Variants in RAB30 observed in about 807,000 individuals in gnomAD.
The protein encoded by RAB30 is RAB30, member RAS oncogene family.
In RAB30, 9 loss-of-function variants were observed where a neutral mutation model predicts 25.1. The ratio of observed to expected loss-of-function variants is 0.36; its 90% CI spans 0.22 to 0.63. The LOEUF (loss-of-function observed/expected upper bound fraction) is 0.63. Among genes scored for constraint, RAB30 ranks in the 20% least tolerant of loss-of-function variants. The probability of loss-of-function intolerance (pLI) is 0.69; values close to 1 mark genes in which losing one functional copy is unlikely to be tolerated. For missense variants in RAB30, 140 were observed against 243.5 expected (o/e 0.58, Z 2.83); for synonymous variants, 77 against 86.4 (o/e 0.89, Z 0.60).
At chr11:83,004,888 TC>T (rs1421412257) in intron 1 of RAB30, among the ~76,000 whole-genome samples, 2 of 152,110 alleles carry the variant, frequency 1.3e-5, no homozygotes, top group Admixed American at 1.3e-4. Context: ...CAAGGTTCTG[TC>T]CCTGGAAGCT....
At chr11:83,054,075 C>G (rs1858408856) in intron 1 of RAB30, among the ~76,000 whole-genome samples, 1 of 151,966 alleles carries the variant, frequency 6.6e-6, no homozygotes, top group Non-Finnish European at 1.5e-5. Context: ...GGGTGACAGA[C>G]AGAGGGAGAC....
intron 1 of RAB30, among the ~76,000 whole-genome samples, chr11:83,012,792 C>G (rs1565276275): frequency 6.6e-6 from 1 of 152,202 alleles, no homozygotes; most frequent in Non-Finnish European, 1.5e-5. Context: ...GAGCCCTCCA[C>G]AGCCCAGCAC....
At chr11:83,016,734 T>A (rs1857446850) in intron 1 of RAB30, among the ~76,000 whole-genome samples, 1 of 152,226 alleles carries the variant, frequency 6.6e-6, no homozygotes, top group Non-Finnish European at 1.5e-5. Context: ...AGGTCCCAAC[T>A]CCAGGCTCTG....
At chr11:83,063,503 T>C (rs1320469987) in intron 1 of RAB30, among the ~76,000 whole-genome samples, 1 of 152,234 alleles carries the variant, frequency 6.6e-6, no homozygotes, top group Non-Finnish European at 1.5e-5. Context: ...CTGTACTGTG[T>C]TGCAGGCAGG....
chr11:83,010,772 G>A (rs138392520), intron 1 of RAB30, among the ~76,000 whole-genome samples: 225 of 152,152 alleles, frequency 1.5e-3, no homozygotes, highest in Middle Eastern at 3.4e-3. Flanking sequence ...ATAACTGAAC[G>A]AACCCAAAAT....
intron 1 of RAB30, among the ~76,000 whole-genome samples, chr11:83,058,137 C>T (rs560801732): frequency 1.2e-4 from 18 of 152,202 alleles, no homozygotes; most frequent in Non-Finnish European, 2.2e-4. Flanking sequence ...TACTCAAATG[C>T]TTTACATTTT....
In RAB30 at chr11:82,974,953, T is replaced by TC. The variant is rs934381082; in HGVS notation, c.*7211_*7212insG. The TC allele has an allele frequency of 4.0e-5, 6 of 150,796 alleles. No homozygotes were observed. Among genetic ancestry groups the TC allele is most frequent in the African/African-American group, 1.5e-4 (6 of 41,240 alleles). 9.3% of individuals were successfully genotyped at this position (150,796 alleles called of 1,614,324 possible). A position where few individuals can be genotyped will look rare whatever the true frequency, so the allele number is the denominator to read the frequency against. ...AGAGTTTGTTGTTTTTTCTTTTTTT[T>TC]TTTTTTTTTGCTGAAAACAGAAATT... On this transcript the variant is annotated 3_prime_UTR_variant, in exon 5 of 5. Coordinates refer to ENST00000527633, the MANE Select transcript of RAB30 (RefSeq NM_001286060.2).
chr11:83,057,135 C>T (rs1323011874), intron 1 of RAB30, among the ~76,000 whole-genome samples: 3 of 151,212 alleles, frequency 2.0e-5, no homozygotes, highest in Non-Finnish European at 2.9e-5. Context: ...CACTAAGGAT[C>T]TTCTTACTCA....
At chr11:83,029,257 A>G (rs117731036) in intron 1 of RAB30, among the ~76,000 whole-genome samples, 3,347 of 152,252 alleles carry the variant, frequency 0.022, 67 homozygotes, top group Middle Eastern at 0.037. Context: ...TATTTTAAAT[A>G]TATGATTATA....
chr11:83,043,698 A>G (rs1194012973), intron 1 of RAB30, among the ~76,000 whole-genome samples: 1 of 152,174 alleles, frequency 6.6e-6, no homozygotes. Flanking sequence ...AATGTTAGCA[A>G]TTGGTAAACC....
rs1046851506 is a variant in RAB30, at chr11:82,976,716, T to G, written c.*5449A>C. 12 of 152,012 alleles carry G rather than the reference T, an allele frequency of 7.9e-5. No homozygotes were observed. The highest frequency in any genetic ancestry group is 2.9e-4 in the African/African-American group (12 of 41,362). The allele number at this position is 152,012 out of a possible 1,614,324, so 9.4% of individuals were successfully genotyped here. ...ACCATACAGATTTAAGACCAATGACTTAAAAAAACAAAACAAAACCATAAA... is the reference window on the plus strand; with the variant it reads ...ACCATACAGATTTAAGACCAATGACGTAAAAAAACAAAACAAAACCATAAA... On this transcript the variant is annotated 3_prime_UTR_variant, in exon 5 of 5. Coordinates refer to ENST00000527633, the MANE Select transcript of RAB30 (RefSeq NM_001286060.2).
Position 83,033,056 on chromosome 11 carries a change from T to C in RAB30, c.-8-35732A>G, listed in dbSNP as rs930337190. On this transcript the variant is annotated intron_variant, in intron 1 of 4. Coordinates refer to ENST00000527633, the MANE Select transcript of RAB30 (RefSeq NM_001286060.2). ...TAGGGAACATGTTTGCCTCAAATTC[T>C]TTTTTTTTTTTTTTTTTTTTTTTTT... is the stretch of plus-strand genomic sequence containing the variant. Among the ~76,000 whole-genome samples the C allele has an allele frequency of 2.2e-3, 198 of 91,678 alleles. 6 individuals are homozygous for C. Among genetic ancestry groups the C allele is most frequent in the South Asian group, 7.0e-3 (16 of 2,302 alleles). 60.1% of individuals were successfully genotyped at this position (91,678 alleles called of 152,430 possible). A position where few individuals can be genotyped will look rare whatever the true frequency, so the allele number is the denominator to read the frequency against.
intron 1 of RAB30, among the ~76,000 whole-genome samples, chr11:83,055,140 T>C (rs909056652): frequency 6.6e-6 from 1 of 152,254 alleles, no homozygotes; most frequent in South Asian, 2.1e-4. Context: ...TGCATCTGCA[T>C]CTGCATCTGT....
chr11:83,043,359 A>T (rs1206305946), intron 1 of RAB30, among the ~76,000 whole-genome samples: 4 of 152,216 alleles, frequency 2.6e-5, no homozygotes, highest in Non-Finnish European at 5.9e-5. Flanking sequence ...CCAGTTGATC[A>T]GCTGAGCCTA....
At chr11:83,014,682 G>A (rs1406715309) in intron 1 of RAB30, among the ~76,000 whole-genome samples, 1 of 137,224 alleles carries the variant, frequency 7.3e-6, no homozygotes, top group East Asian at 2.1e-4. Context: ...AAGAAAGAAA[G>A]AAAGAAAGAA....
In RAB30 at chr11:82,982,012, C is replaced by T. The variant is rs535729576; in HGVS notation, c.*153G>A. 6 of 1,003,994 alleles carry T rather than the reference C, an allele frequency of 6.0e-6. No individual in the cohort carries two copies. The highest frequency in any genetic ancestry group is 2.4e-5 in the East Asian group (1 of 41,434). 62.2% of individuals were successfully genotyped at this position (1,003,994 alleles called of 1,614,324 possible). A position where few individuals can be genotyped will look rare whatever the true frequency, so the allele number is the denominator to read the frequency against. ...TGTTCTGCTAATGCTGGCCTGTGGT[C>T]GAGGCCCTTGGCCTGCCATGCTTTG... On this transcript the variant is annotated 3_prime_UTR_variant, in exon 5 of 5. Transcript: ENST00000527633.
At chr11:83,067,232 C>T (rs1427032223) in intron 1 of RAB30, among the ~76,000 whole-genome samples, 1 of 152,114 alleles carries the variant, frequency 6.6e-6, no homozygotes, top group Non-Finnish European at 1.5e-5. Context: ...TGTTGTTTTC[C>T]TAGCATGGTG....
chr11:83,004,374 T>C (rs1857144249), intron 1 of RAB30, among the ~76,000 whole-genome samples: 1 of 152,210 alleles, frequency 6.6e-6, no homozygotes. Context: ...ATTTTAAAGT[T>C]TGTTGTTTAC....
rs1858558623 is a variant in RAB30 at position 83,060,895 on chromosome 11, A to C, written c.-9+10796T>G. Among the ~76,000 whole-genome samples the C allele has an allele frequency of 2.0e-5, 3 of 152,252 alleles. 1 individual carries two copies. In the South Asian group the frequency reaches 6.2e-4, roughly 32 times the overall value. On this transcript the variant is annotated intron_variant, in intron 1 of 4. Transcript: ENST00000527633. ...TCTGCTGGGGGCCTGGAGAAAACAA[A>C]AGCAGAGAAAAGGCGAATATGTCAA...
Sources: gnomAD v4.1 joint callset for allele counts (sites outside exome capture counted in the v4.1 genomes callset) on GRCh38, gnomAD v4.1.1 for gene constraint, MANE v1.5 for transcripts, NCBI Gene and HGNC (gene_info 2026-07-23, HGNC 2026-07-21) for gene names.